The following TNFRSF25 variants were observed in gnomAD, a reference collection of about 807,000 sequenced individuals.
TNFRSF25 encodes TNF receptor superfamily member 25.
In TNFRSF25, 28 loss-of-function variants were observed where a neutral mutation model predicts 49.4. The ratio of observed to expected loss-of-function variants is 0.57; its 90% CI spans 0.42 to 0.78. The LOEUF (loss-of-function observed/expected upper bound fraction) is 0.78, where lower values mean the gene tolerates loss of function less well. Ranked by LOEUF, TNFRSF25 falls within the 30% of genes least tolerant of loss-of-function variation. The pLI, the probability that TNFRSF25 is intolerant of heterozygous loss-of-function variation, is 0.00. For synonymous variants in TNFRSF25, 240 were observed against 234.2 expected (o/e 1.02, Z -0.23); for missense variants, 531 against 581.6 (o/e 0.91, Z 0.90).
chr1:6,462,084 T>C lies in TNFRSF25; in HGVS notation c.835A>G (p.Asn279Asp). The change falls in exon 9 of 10, where the codon AAC becomes GAC. Residue 279 changes from asparagine to aspartate, a missense_variant. Coordinates refer to ENST00000356876, the MANE Select transcript of TNFRSF25 (RefSeq NM_003790.3). This position sits in a 1 kb window ranked among gnomAD's most constrained non-coding sequence, Gnocchi z 4.2. ...EKICTVQLVG[N>D]SWTPGYPETQ... ...TCGGGGTAGCCAGGGGTCCAGCTGT[T>C]ACCCACCAACTGGACGGTGCAGATC... The C allele has an allele frequency of 4.3e-6, 7 of 1,613,864 alleles. No homozygotes were observed. Among genetic ancestry groups the C allele is most frequent in the East Asian group, 2.2e-5 (1 of 44,866 alleles).
intron 3 of TNFRSF25, 30 bp downstream of exon 3, chr1:6,465,058 C>G (rs748391801): frequency 1.3e-6 from 2 of 1,598,594 alleles, no homozygotes; most frequent in Non-Finnish European, 1.7e-6. Flanking sequence ...TCCTTAGGAA[C>G]TCCCTGCCAA....
chr1:6,464,733 AG>A lies in TNFRSF25; in HGVS notation c.296-15del. On this transcript the variant is annotated splice_polypyrimidine_tract_variant and intron_variant, in intron 3 of 9. Transcript: ENST00000356876. ...CCACCTGGGAGGCTGGTGGGGGTGC[AG>A]GGAGATGGGGAGTGGAGAGTTAGTC... is the stretch of plus-strand genomic sequence containing the variant. 1 of 1,611,046 alleles carries A rather than the reference AG, an allele frequency of 6.2e-7. No individual in the cohort carries two copies. The highest frequency in any genetic ancestry group is 8.5e-7 in the Non-Finnish European group (1 of 1,178,202).
At chr1:6,463,403 G>C in intron 5 of TNFRSF25, 3 of 563,486 alleles carry the variant, frequency 5.3e-6, no homozygotes, top group East Asian at 5.9e-5. Flanking sequence ...ACCTAGAACA[G>C]TGTGTAGAAC....
At position 6,462,303 on chromosome 1, in the gene TNFRSF25, T is replaced by C; in HGVS notation, c.745-129A>G. 1.5e-6 allele frequency: 2 copies of C among 1,295,364 alleles called. No homozygotes were observed. The highest frequency in any genetic ancestry group is 2.1e-6 in the Non-Finnish European group (2 of 958,094). 80.2% of individuals were successfully genotyped at this position (1,295,364 alleles called of 1,614,324 possible). On this transcript the variant is annotated intron_variant, in intron 8 of 9. Coordinates refer to ENST00000356876, the MANE Select transcript of TNFRSF25 (RefSeq NM_003790.3). This position sits in a 1 kb window ranked among gnomAD's most constrained non-coding sequence, Gnocchi z 4.2. ...ACCCCCGCAATGACACCTCCCACAG[T>C]TGGCCCTGCTCTCACTGTAGCCCAG...
At position 6,464,709 on chromosome 1, in the gene TNFRSF25, C is replaced by T. The variant is rs1309444230; in HGVS notation, c.306G>A (p.Val102=). ...CCACTGCTGAACAGTTCTCCAGCGC[C>T]ACCTGGGAGGCTGGTGGGGGTGCAG... is the stretch of plus-strand genomic sequence containing the variant. The part of the protein sequence containing the change: ...CQACDEQASQ[V]ALENCSAVAD... Residue 102 remains valine, a synonymous_variant, in exon 4 of 10, where the codon GTG becomes GTA. Coordinates refer to ENST00000356876, the MANE Select transcript of TNFRSF25 (RefSeq NM_003790.3). The T allele has an allele frequency of 6.2e-7, 1 of 1,612,790 alleles. No homozygotes were observed. Among genetic ancestry groups the T allele is most frequent in the Non-Finnish European group, 8.5e-7 (1 of 1,179,172 alleles).
In TNFRSF25 at chr1:6,461,166, G is replaced by GTTT. The variant is rs147172610; in HGVS notation, c.*265_*267dup. ...CAAGAAGCCGTTTTTGTTTTGTTTT[G>GTTT]TTTTCTTTCACAGATTTAATACCGC... On this transcript the variant is annotated 3_prime_UTR_variant, in exon 10 of 10. Transcript: ENST00000356876. This position sits in a 1 kb window ranked among gnomAD's most constrained non-coding sequence, Gnocchi z 6.3. 9.3e-3 allele frequency: 6,424 copies of GTTT among 690,962 alleles called. 281 individuals are homozygous for GTTT. The African/African-American group carries it at 0.1, about 11-fold the overall frequency. 42.8% of individuals were successfully genotyped at this position (690,962 alleles called of 1,614,324 possible).
At position 6,462,695 on chromosome 1, in the gene TNFRSF25, C is replaced by A. The variant is rs752447039; in HGVS notation, c.707-29G>T. 9.4e-5 allele frequency: 151 copies of A among 1,611,390 alleles called. No homozygotes were observed. The highest frequency in any genetic ancestry group is 2.9e-5 in the Non-Finnish European group (34 of 1,178,702). ...ACAGACACAGAGAGATTGCGGTCAG[C>A]CACCAGGCAAGCCTCCTGGACCTGG... On this transcript the variant is annotated intron_variant, in intron 7 of 9. Transcript: ENST00000356876. This position sits in a 1 kb window ranked among gnomAD's most constrained non-coding sequence, Gnocchi z 4.2.
At position 6,462,182 on chromosome 1, in the gene TNFRSF25, C is replaced by G; in HGVS notation, c.745-8G>C. 6.3e-7 allele frequency: 1 copy of G among 1,595,032 alleles called. No homozygotes were observed. The highest frequency in any genetic ancestry group is 8.5e-7 in the Non-Finnish European group (1 of 1,169,772). On this transcript the variant is annotated splice_region_variant and splice_polypyrimidine_tract_variant and intron_variant, in intron 8 of 9. Transcript: ENST00000356876. This position sits in a 1 kb window ranked among gnomAD's most constrained non-coding sequence, Gnocchi z 4.2. The stretch of plus-strand genomic sequence containing the variant: ...GGGTGACAGATGGGTGGCCTGGAAG[C>G]CAAGAGGGGCCCCAGGTCAGCCCTG...
intron 5 of TNFRSF25, chr1:6,463,554 G>A (rs45556131): frequency 0.014 from 2,390 of 175,220 alleles, 48 homozygotes; most frequent in African/African-American, 0.043. Context: ...GTGAAACCCC[G>A]TCTCTACTAA....
At position 6,465,472 on chromosome 1, in the gene TNFRSF25, ATCT is replaced by A. The variant is rs757722240; in HGVS notation, c.125_127del (p.Lys42del). ...GCAGCCTCTGCAACAAAACAGACCA[ATCT>A]TCTTGTGGAAGTCACCGGCACAGTC... is the stretch of plus-strand genomic sequence containing the variant. On this transcript the variant is annotated inframe_deletion, in exon 2 of 10. Transcript: ENST00000356876. 5.0e-6 allele frequency: 8 copies of A among 1,613,834 alleles called. No homozygotes were observed. The highest frequency in any genetic ancestry group is 4.5e-5 in the East Asian group (2 of 44,880).
chr1:6,463,820 C>T (rs1372104964), intron 5 of TNFRSF25: 1 of 151,552 alleles, frequency 6.6e-6, no homozygotes, highest in Non-Finnish European at 1.5e-5. Flanking sequence ...GCTAACATCC[C>T]ATGTTGAGAA....
chr1:6,465,590 G>C, intron 1 of TNFRSF25, 30 bp from the exon 2 acceptor site: 1 of 1,604,430 alleles, frequency 6.2e-7, no homozygotes, highest in Non-Finnish European at 8.5e-7. Context: ...GACTCTCAGC[G>C]CAGCTGCCCA....
chr1:6,465,566 G>GGACA lies in TNFRSF25; in HGVS notation c.40-10_40-7dup. 6.2e-7 allele frequency: 1 copy of GGACA among 1,611,578 alleles called. No homozygotes were observed. The highest frequency in any genetic ancestry group is 2.2e-5 in the East Asian group (1 of 44,760). On this transcript the variant is annotated splice_polypyrimidine_tract_variant and splice_region_variant and intron_variant, in intron 1 of 9. Transcript: ENST00000356876. ...AGCAGCACCAGGAGGAGCGCCTGGG[G>GGACA]GACAGGTGCTGCTGACTCTCAGCGC... is the stretch of plus-strand genomic sequence containing the variant.
In TNFRSF25 at chr1:6,461,457, T is replaced by G; in HGVS notation, c.1231A>C (p.Ser411Arg). ...GLDGCVEDLR[S>R]RLQRGP ...TGTCACGGGCCGCGCTGCAGGCGGC[T>G]GCGCAAGTCTTCCACGCAGCCGTCC... is the stretch of plus-strand genomic sequence containing the variant. Residue 411 changes from serine to arginine, a missense_variant, in exon 10 of 10, where the codon AGC (serine) becomes CGC (arginine). Coordinates refer to ENST00000356876, the MANE Select transcript of TNFRSF25 (RefSeq NM_003790.3). The surrounding 1 kb of genome is among the most constrained non-coding windows in gnomAD (Gnocchi z 6.3). The G allele has an allele frequency of 6.5e-7, 1 of 1,538,038 alleles. No homozygotes were observed. Among genetic ancestry groups the G allele is most frequent in the East Asian group, 2.4e-5 (1 of 41,966 alleles).
intron 4 of TNFRSF25, 25 bp from the exon 5 acceptor site, chr1:6,464,478 C>T: frequency 6.2e-7 from 1 of 1,611,662 alleles, no homozygotes; most frequent in Non-Finnish European, 8.5e-7. Context: ...AGGCATGCGT[C>T]ACCATGGGAC....
chr1:6,462,629 C>A lies in TNFRSF25; in HGVS notation c.744G>T (p.Pro248=), dbSNP rs1557725691. 2 of 1,613,226 alleles carry A rather than the reference C, an allele frequency of 1.2e-6. No individual in the cohort carries two copies. The highest frequency in any genetic ancestry group is 3.3e-5 in the Admixed American group (2 of 59,874). Residue 248 remains proline (P), a splice_region_variant and synonymous_variant, in exon 8 of 10, where the codon CCG becomes CCT. Coordinates refer to ENST00000356876, the MANE Select transcript of TNFRSF25 (RefSeq NM_003790.3). The surrounding 1 kb of genome is among the most constrained non-coding windows in gnomAD (Gnocchi z 4.2). ...EAGMEALTPP[P]ATHLSPLDSA... The stretch of plus-strand genomic sequence containing the variant: ...CAGAATCACACAGTGAGGTTCTTAC[C>A]GGTGGTGGGGTCAGAGCCTCCATCC...
chr1:6,461,758 G>A lies in TNFRSF25; in HGVS notation c.930C>T (p.Pro310=), dbSNP rs751381914. ...CTGGCGAGAGTGTGGGCGCAGCAGC[G>A]GGGCCTGGGGCAGGGCCAGAGAGAG... The part of the protein sequence containing the change: ...WDQLPSRALG[P]AAAPTLSPES... Residue 310 remains proline, a synonymous_variant, in exon 10 of 10, where the codon CCC becomes CCT. Coordinates refer to ENST00000356876, the MANE Select transcript of TNFRSF25 (RefSeq NM_003790.3). This position sits in a 1 kb window ranked among gnomAD's most constrained non-coding sequence, Gnocchi z 6.3. 5.0e-5 allele frequency: 76 copies of A among 1,521,712 alleles called. No homozygotes were observed. In the South Asian group the frequency reaches 7.1e-4, roughly 14 times the overall value. 94.3% of individuals were successfully genotyped at this position (1,521,712 alleles called of 1,614,324 possible).
rs989173215 is a variant in TNFRSF25 at position 6,464,753 on chromosome 1, G to T, written c.296-34C>A. ...GGTGCAGGGAGATGGGGAGTGGAGAGTTAGTCAGGGCCAAAGGCTCCCATG... is the reference window on the plus strand; with the variant it reads ...GGTGCAGGGAGATGGGGAGTGGAGATTTAGTCAGGGCCAAAGGCTCCCATG... On this transcript the variant is annotated intron_variant, in intron 3 of 9. Coordinates refer to ENST00000356876, the MANE Select transcript of TNFRSF25 (RefSeq NM_003790.3). The T allele has an allele frequency of 1.9e-6, 3 of 1,605,070 alleles. No homozygotes were observed. In the African/African-American group the frequency reaches 4.0e-5, roughly 21 times the overall value.
rs1375746989 is a variant in TNFRSF25 at position 6,461,258 on chromosome 1, C to T, written c.*176G>A. The T allele has an allele frequency of 8.4e-6, 7 of 830,950 alleles. No individual in the cohort carries two copies. The highest frequency in any genetic ancestry group is 1.4e-5 in the Non-Finnish European group (7 of 490,322). 51.5% of individuals were successfully genotyped at this position (830,950 alleles called of 1,614,324 possible). A position where few individuals can be genotyped will look rare whatever the true frequency, so the allele number is the denominator to read the frequency against. On this transcript the variant is annotated 3_prime_UTR_variant, in exon 10 of 10. Transcript: ENST00000356876. The surrounding 1 kb of genome is among the most constrained non-coding windows in gnomAD (Gnocchi z 6.3). ...CACCCCCTCTCGACATTCGTTCGTG[C>T]TTCTTCGCCTTGGCTGGAGCGATAG...
Sources: allele counts gnomAD v4.1 joint callset, GRCh38; gene constraint gnomAD v4.1.1; non-coding constraint Gnocchi (gnomAD v3.1); transcripts MANE v1.5; gene names NCBI Gene and HGNC (gene_info 2026-07-23, HGNC 2026-07-21).